Variants in GPM6A observed in about 807,000 individuals in gnomAD.
GPM6A encodes the protein glycoprotein M6A, also known as neuronal membrane glycoprotein M6-a.
Under a neutral mutation model 32.1 loss-of-function variants are expected in GPM6A, and 7 were observed. That is an observed-to-expected ratio of 0.22 (90% CI 0.12 to 0.41). The LOEUF is 0.41. Among genes scored for constraint, GPM6A ranks in the 10% least tolerant of loss-of-function variants. GPM6A has a pLI of 1.00. For missense variants in GPM6A, 235 were observed against 347.2 expected, an observed-to-expected ratio of 0.68 and a Z score of 2.57; for synonymous variants, 130 against 123.4, an observed-to-expected ratio of 1.05 and a Z score of -0.35.
At chr4:175,937,544 G>A (rs1739279120) in intron 1 of GPM6A, among the ~76,000 whole-genome samples, 4 of 152,156 alleles carry the variant, frequency 2.6e-5, no homozygotes, top group Admixed American at 2.6e-4. Flanking sequence ...ATGAAACATA[G>A]TACTTAAAAT....
chr4:175,860,900 G>A (rs1186371922), intron 1 of GPM6A, among the ~76,000 whole-genome samples: 7 of 152,094 alleles, frequency 4.6e-5, no homozygotes, highest in Admixed American at 2.0e-4. Context: ...TATGTGTAAA[G>A]CATATGGTGA....
chr4:175,709,299 G>C (rs1579411005), intron 1 of GPM6A, among the ~76,000 whole-genome samples: 3 of 134,928 alleles, frequency 2.2e-5, no homozygotes, highest in South Asian at 4.8e-4. Context: ...TTCTCTCTCT[G>C]TCTCTCTCTC....
At chr4:175,637,686 A>T (rs1387289657) in intron 6 of GPM6A, among the ~76,000 whole-genome samples, 1 of 1,802 alleles carries the variant, frequency 5.5e-4, no homozygotes, top group Non-Finnish European at 1.5e-3. Flanking sequence ...TATATATATA[A>T]TATATAATAT....
At chr4:175,966,264 T>C (rs1740331718) in intron 1 of GPM6A, among the ~76,000 whole-genome samples, 1 of 151,840 alleles carries the variant, frequency 6.6e-6, no homozygotes. Context: ...TAGCCAGGCA[T>C]GGTGGCATGT....
chr4:175,866,655 T>C (rs1176917376), intron 1 of GPM6A, among the ~76,000 whole-genome samples: 1 of 152,188 alleles, frequency 6.6e-6, no homozygotes, highest in African/African-American at 2.4e-5. Context: ...GGTTTGTTAA[T>C]CCATTCACCT....
intron 1 of GPM6A, among the ~76,000 whole-genome samples, chr4:175,795,334 C>T (rs975242907): frequency 3.9e-5 from 6 of 152,126 alleles, no homozygotes; most frequent in South Asian, 2.1e-4. Flanking sequence ...TAATCCCTTC[C>T]GAGTAGCATT....
chr4:175,952,892 A>G (rs1228474886), intron 1 of GPM6A, among the ~76,000 whole-genome samples: 1 of 152,072 alleles, frequency 6.6e-6, no homozygotes. Flanking sequence ...CTAAAAATAT[A>G]AAAATTTGCT....
intron 2 of GPM6A, among the ~76,000 whole-genome samples, chr4:175,678,174 C>T (rs901745799): frequency 1.3e-5 from 2 of 152,012 alleles, no homozygotes; most frequent in Non-Finnish European, 2.9e-5. Context: ...ACATATGGAA[C>T]ATCTGGAGGA....
At chr4:175,826,045 CT>C (rs911006528) in intron 1 of GPM6A, among the ~76,000 whole-genome samples, 12 of 151,880 alleles carry the variant, frequency 7.9e-5, no homozygotes, top group African/African-American at 2.9e-4. Context: ...GAGTGAGCCT[CT>C]GGTCCCAGTT....
chr4:175,984,923 T>C (rs1740928962), intron 1 of GPM6A, among the ~76,000 whole-genome samples: 2 of 152,210 alleles, frequency 1.3e-5, no homozygotes, highest in Admixed American at 1.3e-4. Flanking sequence ...CACAGAAAGC[T>C]GAACTATTTT....
intron 3 of GPM6A, among the ~76,000 whole-genome samples, chr4:175,671,626 A>G (rs1029260783): frequency 6.6e-6 from 1 of 151,474 alleles, no homozygotes; most frequent in South Asian, 2.1e-4. Context: ...GGGGGTGTGG[A>G]GGAATGGTTG....
At chr4:175,786,259 C>T (rs560231660) in intron 1 of GPM6A, among the ~76,000 whole-genome samples, 20 of 151,432 alleles carry the variant, frequency 1.3e-4, no homozygotes, top group African/African-American at 4.8e-4. Flanking sequence ...ACAAATAACA[C>T]CATCTTTTTT....
intron 1 of GPM6A, among the ~76,000 whole-genome samples, chr4:175,810,259 T>C (rs565866538): frequency 1.3e-5 from 2 of 152,150 alleles, no homozygotes; most frequent in Non-Finnish European, 2.9e-5. Context: ...AGAAAAGGTG[T>C]CATAGGCGTA....
At chr4:175,920,565 C>T (rs374610307) in intron 1 of GPM6A, among the ~76,000 whole-genome samples, 9 of 152,182 alleles carry the variant, frequency 5.9e-5, no homozygotes, top group East Asian at 3.9e-4. Flanking sequence ...AAGAATTATA[C>T]GGCTGGGCGT....
intron 1 of GPM6A, among the ~76,000 whole-genome samples, chr4:175,770,543 G>A (rs573590431): frequency 1.3e-3 from 192 of 152,214 alleles, no homozygotes; most frequent in Non-Finnish European, 2.2e-3. Context: ...TTGCTTGACT[G>A]TCCAGCCTTC....
At chr4:175,654,432 T>C (rs1254700675) in intron 3 of GPM6A, 1 of 152,188 alleles carries the variant, frequency 6.6e-6, no homozygotes, top group Non-Finnish European at 1.5e-5. Context: ...CATTTAGCAT[T>C]GAAACTTGTT....
intron 1 of GPM6A, among the ~76,000 whole-genome samples, chr4:175,756,139 G>A (rs745861519): frequency 6.6e-6 from 1 of 152,080 alleles, no homozygotes; most frequent in Non-Finnish European, 1.5e-5. Flanking sequence ...GAAGGTGTTA[G>A]GTGTGGTGGT....
At chr4:175,697,361 C>T (rs1347218328) in intron 2 of GPM6A, among the ~76,000 whole-genome samples, 3 of 151,760 alleles carry the variant, frequency 2.0e-5, no homozygotes, top group East Asian at 1.9e-4. Context: ...GTAATAACAC[C>T]TTTCCAAATG....
chr4:175,641,466 T>C (rs537884223), intron 4 of GPM6A: 3 of 152,332 alleles, frequency 2.0e-5, no homozygotes, highest in Admixed American at 6.5e-5. Context: ...ACTGCATTTT[T>C]AAAACGAGCA....
Sources: gnomAD v4.1 joint callset for allele counts (sites outside exome capture counted in the v4.1 genomes callset) on GRCh38, gnomAD v4.1.1 for gene constraint, MANE v1.5 for transcripts, NCBI Gene and HGNC (gene_info 2026-07-23, HGNC 2026-07-21) for gene names.